The following PCDHGB3 variants were observed in gnomAD, a reference collection of about 807,000 sequenced individuals.
The protein encoded by PCDHGB3 is protocadherin gamma-B3.
PCDHGB3 carries 40 observed loss-of-function variants against 59.2 expected under a neutral mutation model. The ratio of observed to expected loss-of-function variants is 0.68; its 90% confidence interval spans 0.52 to 0.88. The LOEUF (loss-of-function observed/expected upper bound fraction) is 0.88. Among genes scored for constraint, PCDHGB3 ranks in the 40% least tolerant of loss-of-function variants. The probability of loss-of-function intolerance (pLI) is 0.00; values close to 1 mark genes in which losing one functional copy is unlikely to be tolerated. For synonymous variants in PCDHGB3, 581 were observed against 503.6 expected (o/e 1.15, Z -2.06); for missense variants, 1,309 against 1,187.9 (o/e 1.10, Z -1.50).
At chr5:141,484,916 CCTG>C (rs34524370) in intron 1 of PCDHGB3, 64,782 of 456,708 alleles carry the variant, frequency 0.14, 4,878 homozygotes, top group African/African-American at 0.18. Context: ...ACGCATTAAC[CCTG>C]CTGCTGTTGG....
Position 141,371,840 on chromosome 5 carries a change from A to G in PCDHGB3, c.1446A>G (p.Gly482=), listed in dbSNP as rs1768098809. The G allele has an allele frequency of 3.7e-6, 6 of 1,613,642 alleles. No homozygotes were observed. Among genetic ancestry groups the G allele is most frequent in the Non-Finnish European group, 5.1e-6 (6 of 1,179,882 alleles). Residue 482 remains glycine, a synonymous_variant, in exon 1 of 4, where the codon GGA becomes GGG. Coordinates refer to ENST00000576222, the MANE Select transcript of PCDHGB3 (RefSeq NM_018924.5). ...AHVRASDPDL[G]PNGLVSYYIV... ...TCAGAGCCTCGGATCCCGACTTGGG[A>G]CCTAATGGCCTTGTCTCCTACTACA... is the stretch of plus-strand genomic sequence containing the variant.
chr5:141,410,847 G>GTATTTT, intron 1 of PCDHGB3: 1 of 158,250 alleles, frequency 6.3e-6, no homozygotes, highest in Non-Finnish European at 1.0e-5. Flanking sequence ...TTTTGTCTTT[G>GTATTTT]TCTTTTTTTT....
In PCDHGB3 at chr5:141,408,212, A is replaced by C. The variant is rs1360693546; in HGVS notation, c.2415+35403A>C. ...AGAACCCGAGCGAACGATGGGAGGGAGCTGCGCGCAGAGGCGCCGGGCCGG... is the reference window on the plus strand; with the variant it reads ...AGAACCCGAGCGAACGATGGGAGGGCGCTGCGCGCAGAGGCGCCGGGCCGG... On this transcript the variant is annotated intron_variant, in intron 1 of 3. Coordinates refer to ENST00000576222, the MANE Select transcript of PCDHGB3 (RefSeq NM_018924.5). 1.9e-6 allele frequency: 3 copies of C among 1,554,492 alleles called. No individual in the cohort carries two copies. In the Admixed American group the frequency reaches 5.9e-5, roughly 30 times the overall value.
Position 141,371,063 on chromosome 5 carries a change from C to T in PCDHGB3, c.669C>T (p.Ser223=), listed in dbSNP as rs774821524. The T allele has an allele frequency of 1.2e-6, 2 of 1,613,962 alleles. No homozygotes were observed. Among genetic ancestry groups the T allele is most frequent in the South Asian group, 2.2e-5 (2 of 91,072 alleles). The change falls in exon 1 of 4, where the codon AGC becomes AGT. Residue 223 remains serine (S), a synonymous_variant. Transcript: ENST00000576222. ...TAVDGGEPSR[S]CTTQIRVIVA... The stretch of plus-strand genomic sequence containing the variant: ...TGGATGGGGGCGAGCCCTCCAGAAG[C>T]TGTACCACCCAGATCAGGGTAATTG...
At chr5:141,399,732 G>C (rs1270192367) in intron 1 of PCDHGB3, 27 of 1,613,174 alleles carry the variant, frequency 1.7e-5, no homozygotes, top group Non-Finnish European at 2.0e-5. Context: ...ACCAGGGCTC[G>C]CCTGCGCTCA....
intron 1 of PCDHGB3, among the ~76,000 whole-genome samples, chr5:141,382,425 AAG>A (rs1778199818): frequency 6.6e-6 from 1 of 152,212 alleles, no homozygotes; most frequent in Admixed American, 6.5e-5. Flanking sequence ...CAGTGCCCAA[AAG>A]AGTCACTTGA....
chr5:141,510,814 C>CA, intron 3 of PCDHGB3, 133 bp from the exon 4 acceptor site: 1 of 1,544,688 alleles, frequency 6.5e-7, no homozygotes, highest in Admixed American at 1.8e-5. Flanking sequence ...TTGGTGACCC[C>CA]TATATTCCCA....
intron 1 of PCDHGB3, chr5:141,404,905 GC>G (rs762314174): frequency 6.2e-6 from 10 of 1,613,910 alleles, no homozygotes; most frequent in Middle Eastern, 1.7e-4. Context: ...ACCATGGCCA[GC>G]CCCCTCTCTC....
At chr5:141,393,175 T>C in intron 1 of PCDHGB3, 2 of 1,613,210 alleles carry the variant, frequency 1.2e-6, no homozygotes, top group Non-Finnish European at 1.7e-6. Flanking sequence ...GGGGTAGAAA[T>C]AGAAATAATT....
chr5:141,500,430 C>T (rs2099800127), intron 2 of PCDHGB3, among the ~76,000 whole-genome samples: 1 of 151,676 alleles, frequency 6.6e-6, no homozygotes, highest in African/African-American at 2.4e-5. Context: ...AGGATGGTCT[C>T]GATCTCCTGA....
At position 141,370,950 on chromosome 5, in the gene PCDHGB3, C is replaced by G. The variant is rs78666647; in HGVS notation, c.556C>G (p.Leu186Val). The change falls in exon 1 of 4, where the codon CTG becomes GTG. Residue 186 changes from leucine (L) to valine (V), a missense_variant. By Grantham distance (32) the Leu-to-Val change is conservative (BLOSUM62 1). Coordinates refer to ENST00000576222, the MANE Select transcript of PCDHGB3 (RefSeq NM_018924.5). ...PHFSLIQKEN[L>V]DGSRYPELVL... ...CTTCTCTTTGATTCAGAAGGAGAAC[C>G]TGGATGGCAGTAGGTACCCAGAGCT... is the stretch of plus-strand genomic sequence containing the variant. 6.2e-7 allele frequency: 1 copy of G among 1,614,002 alleles called. No individual in the cohort carries two copies. Among genetic ancestry groups the G allele is most frequent in the South Asian group, 1.1e-5 (1 of 91,088 alleles).
At position 141,489,599 on chromosome 5, in the gene PCDHGB3, A is replaced by T; in HGVS notation, c.2416-5208A>T. The T allele has an allele frequency of 6.2e-7, 1 of 1,614,020 alleles. No homozygotes were observed. The highest frequency in any genetic ancestry group is 8.5e-7 in the Non-Finnish European group (1 of 1,179,970). On this transcript the variant is annotated intron_variant, in intron 1 of 3. Coordinates refer to ENST00000576222, the MANE Select transcript of PCDHGB3 (RefSeq NM_018924.5). This position sits in a 1 kb window ranked among gnomAD's most constrained non-coding sequence, Gnocchi z 4.5. ...CACCCCCTGGAGCTAATCCGTGTAGAGGTAGAGATCCTGGATCTCAATGAC... is the reference window on the plus strand; with the variant it reads ...CACCCCCTGGAGCTAATCCGTGTAGTGGTAGAGATCCTGGATCTCAATGAC...
At chr5:141,394,050 G>GA (rs2092909261) in intron 1 of PCDHGB3, 4 of 1,613,594 alleles carry the variant, frequency 2.5e-6, no homozygotes, top group Non-Finnish European at 3.4e-6. Context: ...TTTGGACCGA[G>GA]AAAATGTCTC....
rs1374190670 is a variant in PCDHGB3 at position 141,487,196 on chromosome 5, G to C, written c.2416-7611G>C. ...GGAAGACACTCATCCAGTTGTCCCAGATCTTCGAGAATCTTCAGCTCCAAG... is the reference window on the plus strand; with the variant it reads ...GGAAGACACTCATCCAGTTGTCCCACATCTTCGAGAATCTTCAGCTCCAAG... On this transcript the variant is annotated intron_variant, in intron 1 of 3. Coordinates refer to ENST00000576222, the MANE Select transcript of PCDHGB3 (RefSeq NM_018924.5). The surrounding 1 kb of genome is among the most constrained non-coding windows in gnomAD (Gnocchi z 5.0). 6.2e-7 allele frequency: 1 copy of C among 1,613,878 alleles called. No homozygotes were observed. Among genetic ancestry groups the C allele is most frequent in the Admixed American group, 1.7e-5 (1 of 60,030 alleles).
At chr5:141,479,312 A>G (rs1218187495) in intron 1 of PCDHGB3, 5 of 152,526 alleles carry the variant, frequency 3.3e-5, no homozygotes, top group African/African-American at 9.6e-5. Context: ...GAAAACATAA[A>G]GTAGCCAGAC....
At position 141,476,752 on chromosome 5, in the gene PCDHGB3, A is replaced by C. The variant is rs771355583; in HGVS notation, c.2416-18055A>C. The C allele has an allele frequency of 6.2e-7, 1 of 1,613,926 alleles. No homozygotes were observed. The highest frequency in any genetic ancestry group is 1.1e-5 in the South Asian group (1 of 91,080). Reference sequence around the variant, plus strand: ...GAGAACGGGAGCCTAGTCTCCAGTTAGTGCTGACGGCGTTGGACGGAGGGA... The same window carrying C: ...GAGAACGGGAGCCTAGTCTCCAGTTCGTGCTGACGGCGTTGGACGGAGGGA... On this transcript the variant is annotated intron_variant, in intron 1 of 3. Transcript: ENST00000576222. The surrounding 1 kb of genome is among the most constrained non-coding windows in gnomAD (Gnocchi z 7.6).
chr5:141,422,809 G>A (rs1169197801), intron 1 of PCDHGB3: 8 of 1,614,232 alleles, frequency 5.0e-6, no homozygotes, highest in Non-Finnish European at 6.8e-6. Context: ...GCAGTTTCGA[G>A]ACTTAGAACT....
At chr5:141,497,499 C>G (rs1217418941) in intron 2 of PCDHGB3, among the ~76,000 whole-genome samples, 3 of 151,416 alleles carry the variant, frequency 2.0e-5, no homozygotes, top group Non-Finnish European at 4.4e-5. Context: ...TCTCTCTCCT[C>G]TCTCTGCTTC....
chr5:141,370,886 C>A lies in PCDHGB3; in HGVS notation c.492C>A (p.Val164=), dbSNP rs1208326985. ...CTGCGCAAGATCCTGATGTAGGTGTCAATTCGCTGCAGCAGTACTACCTCA... is the reference window on the plus strand; with the variant it reads ...CTGCGCAAGATCCTGATGTAGGTGTAAATTCGCTGCAGCAGTACTACCTCA... The part of the protein sequence containing the change: ...LESAQDPDVG[V]NSLQQYYLSP... The change falls in exon 1 of 4, where the codon GTC becomes GTA. Residue 164 remains valine, a synonymous_variant. Coordinates refer to ENST00000576222, the MANE Select transcript of PCDHGB3 (RefSeq NM_018924.5). 1 of 1,614,034 alleles carries A rather than the reference C, an allele frequency of 6.2e-7. No homozygotes were observed. The highest frequency in any genetic ancestry group is 1.1e-5 in the South Asian group (1 of 91,084).
Sources: gnomAD v4.1 joint callset for allele counts (sites outside exome capture counted in the v4.1 genomes callset) on GRCh38, gnomAD v4.1.1 for gene constraint, Gnocchi (gnomAD v3.1) non-coding constraint, MANE v1.5 for transcripts, NCBI Gene and HGNC (gene_info 2026-07-23, HGNC 2026-07-21) for gene names.